WIPF2: variants seen among roughly 807,000 people sequenced by gnomAD.
WIPF2 encodes the protein WAS/WASL-interacting protein family member 2.
WIPF2 carries 23 observed loss-of-function variants against 38.8 expected under a neutral mutation model. The observed-to-expected ratio is 0.59, with a 90% CI of 0.43 to 0.84. The LOEUF (loss-of-function observed/expected upper bound fraction) is 0.84. Among genes scored for constraint, WIPF2 ranks in the 40% least tolerant of loss-of-function variants. WIPF2 has a pLI of 0.00. For synonymous variants in WIPF2, 210 were observed against 223.2 expected, an observed-to-expected ratio of 0.94 and a Z score of 0.53; for missense variants, 574 against 580.5, an observed-to-expected ratio of 0.99 and a Z score of 0.11.
Position 40,282,180 on chromosome 17 carries a change from A to G in WIPF2, c.*3955A>G, listed in dbSNP as rs1218714570. On this transcript the variant is annotated 3_prime_UTR_variant, in exon 8 of 8. Transcript: ENST00000323571. Reference sequence around the variant, plus strand: ...AGGGTTTGGTTCCATTCAACTCCACATTCATTGTGCCTTTACTTGCATTAG... The same window carrying G: ...AGGGTTTGGTTCCATTCAACTCCACGTTCATTGTGCCTTTACTTGCATTAG... 6.6e-6 allele frequency: 1 copy of G among 151,190 alleles called. No homozygotes were observed. The highest frequency in any genetic ancestry group is 1.5e-5 in the Non-Finnish European group (1 of 67,932). 9.4% of individuals were successfully genotyped at this position (151,190 alleles called of 1,614,324 possible).
At chr17:40,259,018 C>CAAAAA (rs903377557) in intron 2 of WIPF2, among the ~76,000 whole-genome samples, 12 of 34,534 alleles carry the variant, frequency 3.5e-4, no homozygotes, top group South Asian at 1.2e-3. Flanking sequence ...AACTCTGTCT[C>CAAAAA]AAAAAAAAAA....
intron 5 of WIPF2, among the ~76,000 whole-genome samples, chr17:40,266,496 G>T (rs935780168): frequency 6.6e-6 from 1 of 152,162 alleles, no homozygotes; most frequent in Non-Finnish European, 1.5e-5. Context: ...AGTTTCAGTG[G>T]AGTGGTGGAG....
intron 1 of WIPF2, among the ~76,000 whole-genome samples, chr17:40,250,281 C>A (rs1318753857): frequency 2.6e-5 from 3 of 115,342 alleles, no homozygotes; most frequent in African/African-American, 1.0e-4. Flanking sequence ...CCCAAGCTGG[C>A]GTGCAGTGGC....
chr17:40,251,308 G>C (rs2031555183), intron 1 of WIPF2, among the ~76,000 whole-genome samples: 1 of 151,004 alleles, frequency 6.6e-6, no homozygotes, highest in Non-Finnish European at 1.5e-5. Context: ...TTGTCTTTCT[G>C]TTGTCAAATG....
intron 1 of WIPF2, among the ~76,000 whole-genome samples, chr17:40,246,978 G>A (rs748401066): frequency 6.6e-6 from 1 of 151,696 alleles, no homozygotes; most frequent in African/African-American, 2.4e-5. Context: ...GGGTGTGGTG[G>A]TGTGCGCCTA....
chr17:40,246,276 G>A (rs1004046704), intron 1 of WIPF2, among the ~76,000 whole-genome samples: 1 of 151,644 alleles, frequency 6.6e-6, no homozygotes, highest in African/African-American at 2.4e-5. Flanking sequence ...AGTAGAGATG[G>A]GGTTTCACCA....
At position 40,283,229 on chromosome 17, in the gene WIPF2, A is replaced by T. The variant is rs2032590626; in HGVS notation, c.*5004A>T. 1 of 133,188 alleles carries T rather than the reference A, an allele frequency of 7.5e-6. No individual in the cohort carries two copies. Among genetic ancestry groups the T allele is most frequent in the African/African-American group, 2.8e-5 (1 of 36,352 alleles). 8.3% of individuals were successfully genotyped at this position (133,188 alleles called of 1,614,324 possible). On this transcript the variant is annotated 3_prime_UTR_variant, in exon 8 of 8. Transcript: ENST00000323571. ...TAGTTACCCTTCCTGGGAGATTCTG[A>T]TGGTCCTTATTTTATTATTATTATT... is the stretch of plus-strand genomic sequence containing the variant.
At chr17:40,233,163 C>G (rs368821975) in intron 1 of WIPF2, among the ~76,000 whole-genome samples, 1 of 152,048 alleles carries the variant, frequency 6.6e-6, no homozygotes, top group East Asian at 1.9e-4. Flanking sequence ...TTAATTAAGT[C>G]TTTAAAATTT....
Position 40,238,069 on chromosome 17 carries a change from G to A in WIPF2, c.-69-18322G>A, listed in dbSNP as rs1177273820. 1.4e-3 allele frequency among the ~76,000 whole-genome samples: 192 copies of A among 137,484 alleles called. 1 individual carries two copies. Among genetic ancestry groups the A allele is most frequent in the Non-Finnish European group, 2.3e-3 (144 of 62,696 alleles). The allele number at this position is 137,484 out of a possible 152,430, so 90.2% of individuals were successfully genotyped here. A position where few individuals can be genotyped will look rare whatever the true frequency, so the allele number is the denominator to read the frequency against. ...AACAGAGGGAGACTCCGTCTCAAAA[G>A]AAAAAAAAAAAGCTCTTGACCTTGT... On this transcript the variant is annotated intron_variant, in intron 1 of 7. Transcript: ENST00000323571.
intron 1 of WIPF2, among the ~76,000 whole-genome samples, chr17:40,220,187 G>A (rs984164683): frequency 6.6e-6 from 1 of 151,664 alleles, no homozygotes; most frequent in Admixed American, 6.6e-5. Flanking sequence ...ATGTTGCTCA[G>A]ACTAGTCTTG....
intron 1 of WIPF2, among the ~76,000 whole-genome samples, chr17:40,255,831 T>C (rs1318991628): frequency 2.0e-5 from 3 of 149,978 alleles, no homozygotes; most frequent in Non-Finnish European, 4.4e-5. Flanking sequence ...TTTCACCATG[T>C]TAGCCAGGAT....
At position 40,219,399 on chromosome 17, in the gene WIPF2, G is replaced by T; in HGVS notation, c.-163G>T. The T allele has an allele frequency of 2.4e-6, 1 of 418,468 alleles. No homozygotes were observed. Among genetic ancestry groups the T allele is most frequent in the Non-Finnish European group, 4.5e-6 (1 of 221,388 alleles). The allele number at this position is 418,468 out of a possible 1,614,324, so 25.9% of individuals were successfully genotyped here. A position where few individuals can be genotyped will look rare whatever the true frequency, so the allele number is the denominator to read the frequency against. On this transcript the variant is annotated 5_prime_UTR_variant, in exon 1 of 8. Transcript: ENST00000323571. ...CGGCGGCGGCGGCGGCGGCGGCGGC[G>T]ACGGCGAGAAAGAGCTTGCCGGGGG...
intron 1 of WIPF2, among the ~76,000 whole-genome samples, chr17:40,224,815 A>G (rs1014390531): frequency 5.3e-5 from 8 of 151,954 alleles, no homozygotes; most frequent in African/African-American, 1.9e-4. Context: ...AGTTGTAGAG[A>G]CACAAACTGG....
chr17:40,229,029 A>G (rs992679202), intron 1 of WIPF2, among the ~76,000 whole-genome samples: 3 of 151,204 alleles, frequency 2.0e-5, no homozygotes, highest in African/African-American at 7.3e-5. Flanking sequence ...TTAGCCTCCT[A>G]AATAGCTGGG....
chr17:40,222,589 G>A (rs1217097132), intron 1 of WIPF2, among the ~76,000 whole-genome samples: 1 of 143,394 alleles, frequency 7.0e-6, no homozygotes, highest in African/African-American at 2.5e-5. Flanking sequence ...GTGTGTGTTT[G>A]TGTGTGTGTG....
chr17:40,277,941 G>A (rs1022641195), intron 7 of WIPF2, among the ~76,000 whole-genome samples: 4 of 152,048 alleles, frequency 2.6e-5, no homozygotes, highest in Non-Finnish European at 4.4e-5. Context: ...GGCCAGGCTG[G>A]TCTGAAACTC....
intron 1 of WIPF2, among the ~76,000 whole-genome samples, chr17:40,237,176 G>T (rs867510309): frequency 1.3e-5 from 2 of 149,798 alleles, no homozygotes; most frequent in Non-Finnish European, 1.5e-5. Context: ...TTCTGGAAAC[G>T]CTGTTACTCA....
rs1157751920 is a variant in WIPF2 at position 40,283,518 on chromosome 17, A to AT, written c.*5295dup. 1 of 152,170 alleles carries AT rather than the reference A, an allele frequency of 6.6e-6. No individual in the cohort carries two copies. The highest frequency in any genetic ancestry group is 1.9e-4 in the East Asian group (1 of 5,194). 9.4% of individuals were successfully genotyped at this position (152,170 alleles called of 1,614,324 possible). A position where few individuals can be genotyped will look rare whatever the true frequency, so the allele number is the denominator to read the frequency against. ...CACCTCAGCTTCTCAAAGTGCTGGGATTACAGGCATGAGCCACCGCACCCA... is the reference window on the plus strand; with the variant it reads ...CACCTCAGCTTCTCAAAGTGCTGGGATTTACAGGCATGAGCCACCGCACCCA... On this transcript the variant is annotated 3_prime_UTR_variant, in exon 8 of 8. Coordinates refer to ENST00000323571, the MANE Select transcript of WIPF2 (RefSeq NM_133264.5).
At chr17:40,275,824 C>T (rs2032380776) in intron 6 of WIPF2, among the ~76,000 whole-genome samples, 1 of 152,176 alleles carries the variant, frequency 6.6e-6, no homozygotes, top group South Asian at 2.1e-4. Context: ...ACCTTGGCCT[C>T]CCAAAGTGCT....
Sources: allele counts gnomAD v4.1 joint callset (sites outside exome capture counted in the v4.1 genomes callset), GRCh38; gene constraint gnomAD v4.1.1; transcripts MANE v1.5; gene names NCBI Gene and HGNC (gene_info 2026-07-23, HGNC 2026-07-21).